The following MARCHF8 variants were observed in gnomAD, a reference collection of about 807,000 sequenced individuals.
The protein encoded by MARCHF8 is E3 ubiquitin-protein ligase MARCHF8.
MARCHF8 carries 40 observed loss-of-function variants against 51.6 expected under a neutral mutation model. That is an observed-to-expected ratio of 0.77 (90% CI 0.60 to 1.01). MARCHF8 has a LOEUF of 1.01. MARCHF8 is among the 50% of genes least tolerant of loss of function. MARCHF8 has a pLI of 0.00. For synonymous variants in MARCHF8, 263 were observed against 280.3 expected (o/e 0.94, Z 0.62); for missense variants, 685 against 708.6 (o/e 0.97, Z 0.38).
chr10:45,581,233 C>G (rs527487250), intron 1 of MARCHF8, among the ~76,000 whole-genome samples: 58 of 152,214 alleles, frequency 3.8e-4, no homozygotes, highest in African/African-American at 1.2e-3. Flanking sequence ...AGGGATGCTA[C>G]TGAACATCCT....
Position 45,457,977 on chromosome 10 carries a change from A to C in MARCHF8, c.*262T>G. On this transcript the variant is annotated 3_prime_UTR_variant, in exon 8 of 8. Coordinates refer to ENST00000453424, the MANE Select transcript of MARCHF8 (RefSeq NM_001282866.2). Reference sequence around the variant, plus strand: ...CATTCAGCTCAAGACCATGGGCAGGAACTCTGCTGGCTCCCCATGATGTCA... The same window carrying C: ...CATTCAGCTCAAGACCATGGGCAGGCACTCTGCTGGCTCCCCATGATGTCA... 2.1e-6 allele frequency: 1 copy of C among 465,596 alleles called. No individual in the cohort carries two copies. Among genetic ancestry groups the C allele is most frequent in the Middle Eastern group, 5.5e-4 (1 of 1,802 alleles). 28.8% of individuals were successfully genotyped at this position (465,596 alleles called of 1,614,324 possible).
At chr10:45,580,719 G>A (rs575690958) in intron 1 of MARCHF8, among the ~76,000 whole-genome samples, 7 of 152,226 alleles carry the variant, frequency 4.6e-5, no homozygotes, top group South Asian at 2.1e-4. Flanking sequence ...TGGAGCTTTC[G>A]TTAACAACAG....
At chr10:45,513,764 C>A (rs1374039868) in intron 2 of MARCHF8, among the ~76,000 whole-genome samples, 2 of 152,152 alleles carry the variant, frequency 1.3e-5, no homozygotes, top group African/African-American at 4.8e-5. Context: ...GTCTGGCTTA[C>A]ACACACACGT....
At chr10:45,588,817 T>A (rs1422379968) in intron 1 of MARCHF8, among the ~76,000 whole-genome samples, 1 of 151,822 alleles carries the variant, frequency 6.6e-6, no homozygotes, top group Non-Finnish European at 1.5e-5. Flanking sequence ...GCTAACACAG[T>A]GAAACCCCGT....
In MARCHF8 at chr10:45,459,255, G is replaced by T. The variant is rs947130249; in HGVS notation, c.1282C>A (p.Gln428Lys). ...LKPLRKWEKL[Q>K]MTSSERRKIM... Reference sequence around the variant, plus strand: ...TTCCTGCGCTCGCTGGACGTCATCTGCAACTTCTCCCACTAGAAAGACAAC... The same window carrying T: ...TTCCTGCGCTCGCTGGACGTCATCTTCAACTTCTCCCACTAGAAAGACAAC... The change falls in exon 7 of 8, where the codon CAG (glutamine) becomes AAG (lysine). Residue 428 changes from glutamine (Q) to lysine (K), a missense_variant. Physicochemically the swap from Gln to Lys is moderately conservative, Grantham distance 53 (BLOSUM62 1). Coordinates refer to ENST00000453424, the MANE Select transcript of MARCHF8 (RefSeq NM_001282866.2). The T allele has an allele frequency of 4.3e-6, 7 of 1,613,690 alleles. No homozygotes were observed. The highest frequency in any genetic ancestry group is 5.1e-6 in the Non-Finnish European group (6 of 1,179,936).
At chr10:45,540,054 C>T (rs2044028689), upstream of MARCHF8, among the ~76,000 whole-genome samples, 1 of 152,148 alleles carries the variant, frequency 6.6e-6, no homozygotes, top group African/African-American at 2.4e-5. Context: ...AAAGAGGATA[C>T]AAACAAATGG....
chr10:45,573,930 T>C (rs1365156721), intron 1 of MARCHF8, among the ~76,000 whole-genome samples: 3 of 152,162 alleles, frequency 2.0e-5, no homozygotes, highest in Non-Finnish European at 2.9e-5. Flanking sequence ...GCACTCCTTT[T>C]TAGTTATCCC....
chr10:45,527,924 C>G (rs549743736), intron 2 of MARCHF8, among the ~76,000 whole-genome samples: 1 of 152,144 alleles, frequency 6.6e-6, no homozygotes, highest in African/African-American at 2.4e-5. Flanking sequence ...GGGTTATATT[C>G]CAGGGATACA....
intron 1 of MARCHF8, among the ~76,000 whole-genome samples, chr10:45,569,847 T>C (rs1391110816): frequency 3.3e-5 from 5 of 152,166 alleles, no homozygotes; most frequent in Admixed American, 3.3e-4. Context: ...TAGCTTTTTT[T>C]CAGATTGGGG....
At chr10:45,473,870 C>CT (rs2042739567) in intron 3 of MARCHF8, among the ~76,000 whole-genome samples, 1 of 152,154 alleles carries the variant, frequency 6.6e-6, no homozygotes. Context: ...AAGTACTGGA[C>CT]TTTCCAAGCA....
At chr10:45,562,129 A>G (rs1299247023) in intron 1 of MARCHF8, among the ~76,000 whole-genome samples, 3 of 152,118 alleles carry the variant, frequency 2.0e-5, no homozygotes, top group African/African-American at 7.2e-5. Flanking sequence ...GAAAAACACT[A>G]AAGAGATTAA....
intron 2 of MARCHF8, among the ~76,000 whole-genome samples, chr10:45,511,929 C>T (rs1482706624): frequency 2.6e-5 from 4 of 151,474 alleles, no homozygotes; most frequent in Non-Finnish European, 4.4e-5. Flanking sequence ...TGAGGAGCGC[C>T]TCTTCCTGGC....
intron 1 of MARCHF8, among the ~76,000 whole-genome samples, chr10:45,544,372 T>A (rs745962313): frequency 6.6e-6 from 1 of 152,216 alleles, no homozygotes; most frequent in Non-Finnish European, 1.5e-5. Flanking sequence ...GTCCTTGGAA[T>A]TCATCCAAGA....
chr10:45,551,375 T>C (rs537488393), intron 1 of MARCHF8, among the ~76,000 whole-genome samples: 18 of 152,268 alleles, frequency 1.2e-4, no homozygotes. Context: ...CAACTGCCCC[T>C]GGTTTGAGTT....
chr10:45,489,293 A>T, intron 3 of MARCHF8, 74 bp downstream of exon 3: 2 of 1,073,192 alleles, frequency 1.9e-6, no homozygotes, highest in Non-Finnish European at 2.8e-6. Context: ...AAAAAAAAAG[A>T]GTATAAACAC....
chr10:45,474,466 C>CT (rs1485934882), intron 3 of MARCHF8, among the ~76,000 whole-genome samples: 1 of 151,924 alleles, frequency 6.6e-6, no homozygotes, highest in African/African-American at 2.4e-5. Context: ...TCCCTTCTCT[C>CT]TACCACACAG....
At chr10:45,474,884 C>T (rs1170106731) in intron 3 of MARCHF8, among the ~76,000 whole-genome samples, 4 of 152,178 alleles carry the variant, frequency 2.6e-5, no homozygotes, top group Non-Finnish European at 4.4e-5. Context: ...CATGACAGAG[C>T]CCTAGACCCT....
At chr10:45,507,730 G>C (rs1011587019) in intron 2 of MARCHF8, among the ~76,000 whole-genome samples, 2 of 151,158 alleles carry the variant, frequency 1.3e-5, no homozygotes, top group Non-Finnish European at 2.9e-5. Flanking sequence ...CAGCTGTAAA[G>C]GACAAAAATT....
At chr10:45,569,947 A>G (rs566229662) in intron 1 of MARCHF8, among the ~76,000 whole-genome samples, 23 of 152,326 alleles carry the variant, frequency 1.5e-4, no homozygotes, top group African/African-American at 5.5e-4. Context: ...GGAAAGATAA[A>G]CCACACAGCA....
Sources: gnomAD v4.1 joint callset for allele counts (sites outside exome capture counted in the v4.1 genomes callset) on GRCh38, gnomAD v4.1.1 for gene constraint, MANE v1.5 for transcripts, NCBI Gene and HGNC (gene_info 2026-07-23, HGNC 2026-07-21) for gene names.